Variants in LRRIQ1 observed in about 807,000 individuals in gnomAD.
LRRIQ1 encodes the protein leucine-rich repeat- and IQ domain-containing protein 1.
A neutral mutation model predicts 211.9 loss-of-function variants in LRRIQ1; 210 were observed. The ratio of observed to expected loss-of-function variants is 0.99; its 90% CI spans 0.89 to 1.11. The LOEUF (loss-of-function observed/expected upper bound fraction) is 1.11. Ranked by LOEUF, LRRIQ1 falls within the 50% of genes most tolerant of loss-of-function variation. The pLI is 0.00. For synonymous variants in LRRIQ1, 699 were observed against 650.1 expected (o/e 1.08, Z -1.14); for missense variants, 2,136 against 1,939.5 (o/e 1.10, Z -1.90).
In LRRIQ1 at chr12:85,147,326, A is replaced by C. The variant is rs146974350; in HGVS notation, c.4330-4954A>C. 1.4e-4 allele frequency among the ~76,000 whole-genome samples: 22 copies of C among 151,930 alleles called. No homozygotes were observed. The East Asian group carries it at 3.5e-3, about 24-fold the overall frequency. ...CAAATGAGAAAATTTTTCAGGAATC[A>C]CAAGTCTGATATAAAAAGTAGGTCT... On this transcript the variant is annotated intron_variant, in intron 19 of 26. Transcript: ENST00000393217.
intron 24 of LRRIQ1, among the ~76,000 whole-genome samples, chr12:85,201,060 A>G (rs1267163925): frequency 1.3e-5 from 2 of 151,132 alleles, no homozygotes; most frequent in African/African-American, 4.9e-5. Context: ...TGAACTCCTG[A>G]CCTCAAATGA....
chr12:85,055,469 A>G (rs1338454208), intron 7 of LRRIQ1, 78 bp from the exon 8 acceptor site: 5 of 1,159,194 alleles, frequency 4.3e-6, no homozygotes, highest in South Asian at 3.0e-5. Flanking sequence ...TTTGTTTTCA[A>G]TCTACATTTC....
chr12:85,089,993 G>A (rs1465971821), intron 11 of LRRIQ1, among the ~76,000 whole-genome samples: 2 of 152,202 alleles, frequency 1.3e-5, no homozygotes, highest in Admixed American at 1.3e-4. Flanking sequence ...CCTCAGCGAG[G>A]CCAAGGGCCC....
chr12:85,217,606 ATG>A (rs1894189836), intron 24 of LRRIQ1, among the ~76,000 whole-genome samples: 1 of 135,956 alleles, frequency 7.4e-6, no homozygotes, highest in African/African-American at 3.0e-5. Flanking sequence ...ATATATGTAT[ATG>A]TGTATATATA....
At chr12:85,097,993 G>A (rs1373750966) in intron 11 of LRRIQ1, among the ~76,000 whole-genome samples, 1 of 152,126 alleles carries the variant, frequency 6.6e-6, no homozygotes, top group Non-Finnish European at 1.5e-5. Flanking sequence ...AGGATTCAAA[G>A]TTCAAAGGCT....
At chr12:85,146,330 G>A (rs996197447) in intron 19 of LRRIQ1, among the ~76,000 whole-genome samples, 2 of 151,734 alleles carry the variant, frequency 1.3e-5, no homozygotes, top group Non-Finnish European at 2.9e-5. Flanking sequence ...TGGGGATGGG[G>A]AAAATATCCA....
chr12:85,214,897 G>A (rs577686279), intron 24 of LRRIQ1, among the ~76,000 whole-genome samples: 45 of 152,176 alleles, frequency 3.0e-4, no homozygotes, highest in African/African-American at 1.0e-3. Context: ...CATAATAGTA[G>A]TGAAACAGCA....
At chr12:85,163,010 T>C (rs17012608) in intron 24 of LRRIQ1, among the ~76,000 whole-genome samples, 5,483 of 152,274 alleles carry the variant, frequency 0.036, 327 homozygotes, top group African/African-American at 0.13. Flanking sequence ...CAAAATCATT[T>C]GTTCATTGCT....
At chr12:85,132,340 C>T (rs1482003855) in intron 18 of LRRIQ1, among the ~76,000 whole-genome samples, 1 of 151,930 alleles carries the variant, frequency 6.6e-6, no homozygotes, top group Non-Finnish European at 1.5e-5. Flanking sequence ...TGGAACCTTT[C>T]GGGACAGGGT....
At chr12:85,264,980 G>C (rs1182969888), downstream of LRRIQ1, among the ~76,000 whole-genome samples, 1 of 152,018 alleles carries the variant, frequency 6.6e-6, no homozygotes, top group Non-Finnish European at 1.5e-5. Flanking sequence ...AAGCTTGGTA[G>C]AAGTGCTAGG....
In LRRIQ1 at chr12:85,098,505, G is replaced by C; in HGVS notation, c.3038G>C (p.Gly1013Ala). 1.9e-6 allele frequency: 3 copies of C among 1,610,766 alleles called. No individual in the cohort carries two copies. The highest frequency in any genetic ancestry group is 2.5e-6 in the Non-Finnish European group (3 of 1,178,584). The stretch of plus-strand genomic sequence containing the variant: ...GATGTAGAGGGCGTTGAAAATTGTG[G>C]ATTGCTCCAAATATTGAAGTTACAG... ...LTDVEGVENC[G>A]LLQILKLQGN... Residue 1013 changes from glycine (G) to alanine (A), a missense_variant, in exon 12 of 27, where the codon GGA becomes GCA. Coordinates refer to ENST00000393217, the MANE Select transcript of LRRIQ1 (RefSeq NM_001079910.2).
intron 8 of LRRIQ1, among the ~76,000 whole-genome samples, chr12:85,057,679 T>C (rs1015883620): frequency 6.6e-6 from 1 of 152,058 alleles, no homozygotes; most frequent in African/African-American, 2.4e-5. Flanking sequence ...TTATTTAGCG[T>C]GTGCTATTTA....
intron 24 of LRRIQ1, among the ~76,000 whole-genome samples, chr12:85,205,980 TG>T (rs1565903306): frequency 1.3e-5 from 2 of 152,214 alleles, no homozygotes; most frequent in African/African-American, 4.8e-5. Flanking sequence ...CCCTCAGGGT[TG>T]GGAACTTGCT....
intron 11 of LRRIQ1, among the ~76,000 whole-genome samples, chr12:85,090,602 A>G (rs774219223): frequency 6.6e-6 from 1 of 152,198 alleles, no homozygotes; most frequent in Non-Finnish European, 1.5e-5. Context: ...TTGAATTTGC[A>G]TGGGGATTGT....
rs139870347 is a variant in LRRIQ1, at chr12:85,124,145, C to T, written c.3633C>T (p.Tyr1211=). 3.5e-5 allele frequency: 56 copies of T among 1,613,838 alleles called. No individual in the cohort carries two copies. The highest frequency in any genetic ancestry group is 3.3e-4 in the Middle Eastern group (2 of 6,084). ...FKKLMILSTE[Y]RHAHERGDVT... Reference sequence around the variant, plus strand: ...AATTGATGATACTTAGTACTGAATACCGACATGCACACGAACGAGGGGATG... The same window carrying T: ...AATTGATGATACTTAGTACTGAATATCGACATGCACACGAACGAGGGGATG... Residue 1211 remains tyrosine (Y), a synonymous_variant, in exon 17 of 27, where the codon TAC becomes TAT. Transcript: ENST00000393217.
At chr12:85,111,028 GTAATATAGGTTAGGC>G (rs1260552182) in intron 15 of LRRIQ1, among the ~76,000 whole-genome samples, 1 of 152,016 alleles carries the variant, frequency 6.6e-6, no homozygotes, top group Admixed American at 6.6e-5. Context: ...ATCTCATAGG[GTAATATAGGTTAGGC>G]TTCATAAAAA....
intron 18 of LRRIQ1, among the ~76,000 whole-genome samples, chr12:85,131,445 C>T (rs575314160): frequency 4.6e-5 from 7 of 152,172 alleles, no homozygotes; most frequent in African/African-American, 1.4e-4. Flanking sequence ...TGCATTTTTA[C>T]TCTGTTATAG....
intron 24 of LRRIQ1, among the ~76,000 whole-genome samples, chr12:85,189,592 T>G (rs1418794581): frequency 2.0e-5 from 3 of 151,764 alleles, no homozygotes; most frequent in African/African-American, 7.2e-5. Flanking sequence ...CAAATAATAC[T>G]CAGCCTCTGA....
intron 11 of LRRIQ1, among the ~76,000 whole-genome samples, chr12:85,095,075 T>C (rs928749256): frequency 2.6e-5 from 4 of 152,292 alleles, no homozygotes; most frequent in African/African-American, 9.6e-5. Flanking sequence ...TGAGGTATTT[T>C]ACTTCTTTTT....
Sources: gnomAD v4.1 joint callset for allele counts (sites outside exome capture counted in the v4.1 genomes callset) on GRCh38, gnomAD v4.1.1 for gene constraint, MANE v1.5 for transcripts, NCBI Gene and HGNC (gene_info 2026-07-23, HGNC 2026-07-21) for gene names.